The following ZNF407 variants were observed in gnomAD, a reference collection of about 807,000 sequenced individuals.
ZNF407 encodes zinc finger protein 407.
A neutral mutation model predicts 131.2 loss-of-function variants in ZNF407; 17 were observed. The observed-to-expected ratio is 0.13, with a 90% CI of 0.09 to 0.19. The LOEUF (loss-of-function observed/expected upper bound fraction) is 0.19, where lower values mean the gene tolerates loss of function less well. ZNF407 is among the 10% of genes least tolerant of loss of function. The probability of loss-of-function intolerance (pLI) is 1.00; values close to 1 mark genes in which losing one functional copy is unlikely to be tolerated. For missense variants in ZNF407, 2,681 were observed against 2,830.6 expected (o/e 0.95, Z 1.20); for synonymous variants, 1,156 against 1,062.0 (o/e 1.09, Z -1.72).
intron 4 of ZNF407, among the ~76,000 whole-genome samples, chr18:74,833,323 T>C (rs1356002619): frequency 6.6e-6 from 1 of 152,202 alleles, no homozygotes; most frequent in South Asian, 2.1e-4. Flanking sequence ...TAAATTCTAA[T>C]ACTAGGGAAA....
chr18:75,013,170 T>C (rs1973002485), intron 8 of ZNF407, among the ~76,000 whole-genome samples: 1 of 152,136 alleles, frequency 6.6e-6, no homozygotes, highest in African/African-American at 2.4e-5. Context: ...AGGATGCATA[T>C]TTAATGCCTG....
At chr18:75,055,405 T>C (rs1264149937) in intron 8 of ZNF407, among the ~76,000 whole-genome samples, 1 of 152,168 alleles carries the variant, frequency 6.6e-6, no homozygotes, top group African/African-American at 2.4e-5. Flanking sequence ...ACCTCTGCCC[T>C]TCCTCTCCAC....
chr18:74,726,260 G>A (rs147571193), intron 3 of ZNF407, among the ~76,000 whole-genome samples: 1 of 152,170 alleles, frequency 6.6e-6, no homozygotes, highest in African/African-American at 2.4e-5. Context: ...AATTATGGCT[G>A]AGAGTCTAGT....
At chr18:74,841,242 G>A (rs1199647609) in intron 4 of ZNF407, among the ~76,000 whole-genome samples, 2 of 152,220 alleles carry the variant, frequency 1.3e-5, no homozygotes, top group South Asian at 2.1e-4. Context: ...CATTCTTTTC[G>A]TAGGCTGAAA....
intron 8 of ZNF407, among the ~76,000 whole-genome samples, chr18:74,961,163 A>G (rs1972339836): frequency 2.0e-5 from 3 of 152,146 alleles, no homozygotes; most frequent in Admixed American, 1.3e-4. Flanking sequence ...CTTTTTGTAG[A>G]TGGGAGTCTT....
chr18:74,685,721 A>G (rs1209563676), intron 3 of ZNF407, among the ~76,000 whole-genome samples: 1 of 152,102 alleles, frequency 6.6e-6, no homozygotes, highest in Non-Finnish European at 1.5e-5. Context: ...TTGATGCTCA[A>G]CTGAGTGCTC....
intron 7 of ZNF407, among the ~76,000 whole-genome samples, chr18:74,913,997 C>T (rs967741761): frequency 7.9e-5 from 12 of 152,168 alleles, no homozygotes; most frequent in Admixed American, 3.9e-4. Context: ...TCAGTCACCC[C>T]GTGCTTTAAA....
rs531180032 is a variant in ZNF407 at position 74,703,813 on chromosome 18, TAC to T, written c.4802+62693_4802+62694del. Among the ~76,000 whole-genome samples, 273 of 152,278 alleles carry T rather than the reference TAC, an allele frequency of 1.8e-3. No homozygotes were observed. Among genetic ancestry groups the T allele is most frequent in the Non-Finnish European group, 2.5e-3 (170 of 68,032 alleles). ...GAAATCCCCAGACTCTTTCTAAATATACAGTTTTGTTGATTAATTAATCATTT... is the reference window on the plus strand; with the variant it reads ...GAAATCCCCAGACTCTTTCTAAATATAGTTTTGTTGATTAATTAATCATTT... On this transcript the variant is annotated intron_variant, in intron 3 of 8. Coordinates refer to ENST00000299687, the MANE Select transcript of ZNF407 (RefSeq NM_017757.3). The surrounding 1 kb of genome is among the most constrained non-coding windows in gnomAD (Gnocchi z 4.1).
At chr18:74,700,206 G>A (rs950729365) in intron 3 of ZNF407, among the ~76,000 whole-genome samples, 7 of 152,204 alleles carry the variant, frequency 4.6e-5, no homozygotes, top group East Asian at 1.9e-4. Context: ...TCAAATTATC[G>A]CAGAGGGAGG....
chr18:74,801,678 C>T (rs899340002), intron 4 of ZNF407, among the ~76,000 whole-genome samples: 17 of 152,120 alleles, frequency 1.1e-4, no homozygotes, highest in Admixed American at 3.3e-4. Flanking sequence ...GGTTGGTGTG[C>T]ATTTGCTGCC....
intron 8 of ZNF407, among the ~76,000 whole-genome samples, chr18:74,923,540 G>T (rs961243159): frequency 1.3e-5 from 2 of 152,084 alleles, no homozygotes; most frequent in Non-Finnish European, 2.9e-5. Context: ...TGTTCACTGT[G>T]TTGTTCAGAT....
chr18:74,766,510 A>G (rs1327062049), intron 3 of ZNF407, among the ~76,000 whole-genome samples: 1 of 152,184 alleles, frequency 6.6e-6, no homozygotes, highest in Non-Finnish European at 1.5e-5. Flanking sequence ...CTTATTTCAT[A>G]CTGGTATTTC....
At chr18:74,965,468 T>A (rs1222878032) in intron 8 of ZNF407, among the ~76,000 whole-genome samples, 1 of 152,178 alleles carries the variant, frequency 6.6e-6, no homozygotes, top group East Asian at 1.9e-4. Context: ...GTTCTATCCA[T>A]GTTATTGCAG....
At chr18:74,915,672 T>G (rs1233426446) in intron 7 of ZNF407, among the ~76,000 whole-genome samples, 1 of 84,930 alleles carries the variant, frequency 1.2e-5, no homozygotes, top group Non-Finnish European at 2.3e-5. Context: ...TGAGGTTGTA[T>G]GCAGCATTGG....
chr18:74,682,181 A>G (rs1268519943), intron 3 of ZNF407, among the ~76,000 whole-genome samples: 1 of 152,218 alleles, frequency 6.6e-6, no homozygotes, highest in Non-Finnish European at 1.5e-5. Flanking sequence ...ACACATTTCA[A>G]CTTGTGGGTA....
intron 8 of ZNF407, among the ~76,000 whole-genome samples, chr18:74,988,859 G>C (rs1972684901): frequency 6.6e-6 from 1 of 152,104 alleles, no homozygotes; most frequent in African/African-American, 2.4e-5. Context: ...AGAATTTTCA[G>C]ACATCGCTGG....
intron 3 of ZNF407, among the ~76,000 whole-genome samples, chr18:74,706,034 ACTGTCTCTTCCCC>A (rs1967616532): frequency 6.6e-6 from 1 of 152,132 alleles, no homozygotes. Flanking sequence ...TTCCTTCTCC[ACTGTCTCTTCCCC>A]CTTCTTAAGG....
intron 8 of ZNF407, among the ~76,000 whole-genome samples, chr18:74,999,208 G>T (rs1972812926): frequency 1.2e-5 from 1 of 86,536 alleles, no homozygotes; most frequent in Non-Finnish European, 2.3e-5. Flanking sequence ...TGGGGTCGGG[G>T]GAGGGGGGAG....
chr18:74,834,683 C>T (rs1970531372), intron 4 of ZNF407, among the ~76,000 whole-genome samples: 2 of 152,186 alleles, frequency 1.3e-5, no homozygotes, highest in Admixed American at 1.3e-4. Context: ...CAGAAAGTGG[C>T]AATCCTTCCT....
Sources: gnomAD v4.1 joint callset for allele counts (sites outside exome capture counted in the v4.1 genomes callset) on GRCh38, gnomAD v4.1.1 for gene constraint, Gnocchi (gnomAD v3.1) non-coding constraint, MANE v1.5 for transcripts, NCBI Gene and HGNC (gene_info 2026-07-23, HGNC 2026-07-21) for gene names.